Variants in DLAT observed in about 807,000 individuals in gnomAD.
DLAT encodes dihydrolipoyllysine-residue acetyltransferase component of pyruvate dehydrogenase complex, mitochondrial.
A neutral mutation model predicts 68.0 loss-of-function variants in DLAT; 43 were observed. That is an observed-to-expected ratio of 0.63 (90% CI 0.50 to 0.81). The LOEUF is 0.81. Ranked by LOEUF, DLAT falls within the 40% of genes least tolerant of loss-of-function variation. The pLI, the probability that DLAT is intolerant of heterozygous loss-of-function variation, is 0.00. For missense variants in DLAT, 745 were observed against 815.4 expected (o/e 0.91, Z 1.05); for synonymous variants, 265 against 288.6 (o/e 0.92, Z 0.83).
At chr11:112,034,452 T>A (rs917897745) in intron 5 of DLAT, among the ~76,000 whole-genome samples, 39 of 151,000 alleles carry the variant, frequency 2.6e-4, no homozygotes, top group African/African-American at 6.6e-4. Context: ...TATTATTTTT[T>A]TTTTTTTTGA....
At chr11:112,032,125 G>A (rs1279630123) in intron 4 of DLAT, among the ~76,000 whole-genome samples, 5 of 151,564 alleles carry the variant, frequency 3.3e-5, no homozygotes, top group East Asian at 3.9e-4. Flanking sequence ...CAAGTGATCC[G>A]CCCCTCCCAA....
At chr11:112,028,455 C>T in intron 2 of DLAT, 60 bp from the exon 3 acceptor site, 1 of 1,212,216 alleles carries the variant, frequency 8.2e-7, no homozygotes, top group South Asian at 1.3e-5. Context: ...ATTCTAGACA[C>T]AAGCTAATAA....
In DLAT at chr11:112,045,886, A is replaced by G. The variant is rs1863290193; in HGVS notation, c.1314A>G (p.Gln438=). Residue 438 remains glutamine (Q), a synonymous_variant, in exon 10 of 14, where the codon CAA becomes CAG. Transcript: ENST00000280346. The part of the protein sequence containing the change: ...IRRVIAQRLM[Q]SKQTIPHYYL... ...AGGTTATTGCACAGCGATTAATGCAATCAAAGCAAACCATACCTCATTATT... is the reference window on the plus strand; with the variant it reads ...AGGTTATTGCACAGCGATTAATGCAGTCAAAGCAAACCATACCTCATTATT... The G allele has an allele frequency of 1.2e-6, 2 of 1,611,490 alleles. No homozygotes were observed. The highest frequency in any genetic ancestry group is 1.3e-5 in the African/African-American group (1 of 74,902).
intron 7 of DLAT, among the ~76,000 whole-genome samples, chr11:112,041,704 A>G (rs1555181016): frequency 2.6e-5 from 4 of 152,068 alleles, no homozygotes; most frequent in Non-Finnish European, 5.9e-5. Context: ...ACACGGTGAA[A>G]CCTCGTCTCT....
chr11:112,060,160 T>C, intron 12 of DLAT, 95 bp downstream of exon 12: 1 of 415,244 alleles, frequency 2.4e-6, no homozygotes, highest in East Asian at 8.5e-5. Context: ...GTCACGTAAT[T>C]TTTTTTTTTT....
chr11:112,055,275 G>A (rs1272766711), intron 11 of DLAT, among the ~76,000 whole-genome samples: 2 of 115,984 alleles, frequency 1.7e-5, no homozygotes, highest in Non-Finnish European at 3.2e-5. Context: ...ATGGAGTCCT[G>A]CTCTGTCGCC....
intron 11 of DLAT, among the ~76,000 whole-genome samples, chr11:112,056,379 A>G (rs1217078995): frequency 6.6e-6 from 1 of 152,156 alleles, no homozygotes; most frequent in Non-Finnish European, 1.5e-5. Flanking sequence ...GCAATTTGTT[A>G]TAGTGCTTGA....
chr11:112,051,210 C>A lies in DLAT; in HGVS notation c.1399-24C>A. On this transcript the variant is annotated intron_variant, in intron 10 of 13. Transcript: ENST00000280346. This position sits in a 1 kb window ranked among gnomAD's most constrained non-coding sequence, Gnocchi z 4.3. ...AAAATTAAAATTAAAAAAGAAGAAA[C>A]TACAGTTCTTCTTGTCTTTCCAGAT... The A allele has an allele frequency of 6.9e-7, 1 of 1,443,582 alleles. No individual in the cohort carries two copies. The highest frequency in any genetic ancestry group is 9.7e-7 in the Non-Finnish European group (1 of 1,033,678). The allele number at this position is 1,443,582 out of a possible 1,614,324, so 89.4% of individuals were successfully genotyped here.
chr11:112,036,528 T>C (rs1472046505), intron 5 of DLAT: 1 of 152,372 alleles, frequency 6.6e-6, no homozygotes, highest in South Asian at 2.1e-4. Context: ...ATATTTTTTA[T>C]TGGGTATTCT....
chr11:112,025,648 G>A lies in DLAT; in HGVS notation c.176G>A (p.Cys59Tyr). 1 of 1,613,288 alleles carries A rather than the reference G, an allele frequency of 6.2e-7. No individual in the cohort carries two copies. The highest frequency in any genetic ancestry group is 8.5e-7 in the Non-Finnish European group (1 of 1,179,978). ...GGGTATGGCGGGGTCCGGGCACTGT[G>A]CGGCTGGACCCCCAGTTCTGGGGCC... ...TTGYGGVRAL[C>Y]GWTPSSGATP... The change falls in exon 1 of 14, where the codon TGC becomes TAC. Residue 59 changes from cysteine to tyrosine, a missense_variant. Coordinates refer to ENST00000280346, the MANE Select transcript of DLAT (RefSeq NM_001931.5).
At chr11:112,060,924 G>A (rs1343615957) in intron 12 of DLAT, 114 bp from the exon 13 acceptor site, 5 of 850,960 alleles carry the variant, frequency 5.9e-6, no homozygotes, top group Non-Finnish European at 9.2e-6. Context: ...TTCCATTCAG[G>A]CCTTTCTTAA....
chr11:112,060,120 C>A, intron 12 of DLAT, 55 bp downstream of exon 12: 21 of 1,292,262 alleles, frequency 1.6e-5, no homozygotes, highest in Non-Finnish European at 2.2e-5. Context: ...TTGCATAATG[C>A]ATTTATTGCA....
At position 112,039,406 on chromosome 11, in the gene DLAT, G is replaced by A. The variant is rs375360504; in HGVS notation, c.1129+9G>A. ...TCTTACACAAGTAAAAGGTAAATCT[G>A]TTTCTATAGAATGGACTTTATAAAG... On this transcript the variant is annotated intron_variant, in intron 7 of 13. Transcript: ENST00000280346. 3.7e-6 allele frequency: 6 copies of A among 1,613,628 alleles called. No individual in the cohort carries two copies. The highest frequency in any genetic ancestry group is 5.1e-6 in the Non-Finnish European group (6 of 1,179,694).
intron 4 of DLAT, chr11:112,030,197 T>C: frequency 1.7e-6 from 1 of 599,068 alleles, no homozygotes. Context: ...TGTATCCTAT[T>C]GGAACCCCAT....
intron 10 of DLAT, 92 bp downstream of exon 10, chr11:112,046,062 A>G: frequency 2.7e-6 from 2 of 740,674 alleles, no homozygotes; most frequent in South Asian, 1.6e-5. Flanking sequence ...ATTTTGTTAC[A>G]ATATATCAGT....
chr11:112,042,483 T>G (rs1481471079), intron 7 of DLAT, among the ~76,000 whole-genome samples: 2 of 152,196 alleles, frequency 1.3e-5, no homozygotes, highest in East Asian at 3.8e-4. Flanking sequence ...CCAACTCAGT[T>G]TTCGTAATGA....
chr11:112,031,112 A>G (rs1862368412), intron 4 of DLAT, among the ~76,000 whole-genome samples: 1 of 152,240 alleles, frequency 6.6e-6, no homozygotes. Context: ...GTTTCTTAAG[A>G]AGCAGATGAA....
chr11:112,036,206 T>G (rs1862759372), intron 5 of DLAT, among the ~76,000 whole-genome samples: 13 of 44,534 alleles, frequency 2.9e-4, no homozygotes, highest in African/African-American at 6.9e-4. Flanking sequence ...TGTGTGTTTT[T>G]TTTTTTTTTT....
chr11:112,025,478 G>A lies in DLAT; in HGVS notation c.6G>A (p.Trp2Ter), dbSNP rs782246344. ...TGTGGGGGGTTGGTGGCACTATGTGGCGCGTCTGTGCGCGACGGGCTCAGA... is the reference window on the plus strand; with the variant it reads ...TGTGGGGGGTTGGTGGCACTATGTGACGCGTCTGTGCGCGACGGGCTCAGA... M[W>*]RVCARRAQNV... Residue 2 changes from tryptophan to a stop codon, truncating the protein, a stop_gained, in exon 1 of 14, where the codon TGG becomes TGA. Coordinates refer to ENST00000280346, the MANE Select transcript of DLAT (RefSeq NM_001931.5). LOFTEE classifies it high-confidence loss of function. The A allele has an allele frequency of 6.2e-7, 1 of 1,612,604 alleles. No individual in the cohort carries two copies. Among genetic ancestry groups the A allele is most frequent in the Non-Finnish European group, 8.5e-7 (1 of 1,179,740 alleles).
Sources: allele counts gnomAD v4.1 joint callset (sites outside exome capture counted in the v4.1 genomes callset), GRCh38; gene constraint gnomAD v4.1.1; non-coding constraint Gnocchi (gnomAD v3.1); transcripts MANE v1.5; gene names NCBI Gene and HGNC (gene_info 2026-07-23, HGNC 2026-07-21).